Variants in PTPRD observed in about 807,000 individuals in gnomAD.
The protein encoded by PTPRD is receptor-type tyrosine-protein phosphatase delta.
PTPRD carries 34 observed loss-of-function variants against 214.5 expected under a neutral mutation model. That is an observed-to-expected ratio of 0.16 (90% CI 0.12 to 0.21). The LOEUF (loss-of-function observed/expected upper bound fraction) is 0.21. Among genes scored for constraint, PTPRD ranks in the 10% least tolerant of loss-of-function variants. PTPRD has a pLI of 1.00. For missense variants in PTPRD, 2,545 were observed against 2,398.7 expected (o/e 1.06, Z -1.27); for synonymous variants, 1,128 against 845.7 (o/e 1.33, Z -5.79).
At chr9:10,323,591 C>T (rs1447839845) in intron 3 of PTPRD, among the ~76,000 whole-genome samples, 2 of 151,686 alleles carry the variant, frequency 1.3e-5, no homozygotes, top group East Asian at 3.9e-4. Context: ...CTTTCTACAT[C>T]TGGGCAAAGA....
intron 3 of PTPRD, among the ~76,000 whole-genome samples, chr9:10,242,528 C>T (rs1281103087): frequency 1.3e-5 from 2 of 151,828 alleles, no homozygotes; most frequent in African/African-American, 2.4e-5. Context: ...TAAGTCCCTA[C>T]TGTGTACCAG....
At chr9:8,587,531 G>A (rs2093758403) in intron 14 of PTPRD, among the ~76,000 whole-genome samples, 1 of 152,254 alleles carries the variant, frequency 6.6e-6, no homozygotes. Context: ...TGAGTAAAAT[G>A]AGTAAAATAT....
intron 3 of PTPRD, among the ~76,000 whole-genome samples, chr9:10,311,036 T>A (rs2096253475): frequency 6.6e-6 from 1 of 152,072 alleles, no homozygotes; most frequent in Admixed American, 6.6e-5. Context: ...TAAATGTGGA[T>A]GCAAGATCCA....
intron 2 of PTPRD, among the ~76,000 whole-genome samples, chr9:10,443,054 G>A (rs1315380461): frequency 2.0e-5 from 3 of 149,658 alleles, no homozygotes; most frequent in Non-Finnish European, 4.5e-5. Context: ...AATGAACAGA[G>A]GAATAGAATT....
chr9:10,089,656 G>C (rs1331654540), intron 3 of PTPRD, among the ~76,000 whole-genome samples: 1 of 151,598 alleles, frequency 6.6e-6, no homozygotes, highest in Non-Finnish European at 1.5e-5. Context: ...ACAGAATAAG[G>C]TATAACTTCC....
intron 10 of PTPRD, among the ~76,000 whole-genome samples, chr9:9,173,765 A>T (rs1016366246): frequency 6.6e-6 from 1 of 151,958 alleles, no homozygotes; most frequent in Non-Finnish European, 1.5e-5. Context: ...ACAAAGCATG[A>T]CTCTATTTTA....
intron 5 of PTPRD, among the ~76,000 whole-genome samples, chr9:9,795,885 C>G (rs1486439504): frequency 6.6e-6 from 1 of 151,898 alleles, no homozygotes; most frequent in Non-Finnish European, 1.5e-5. Context: ...TCCAAATATA[C>G]TAGAAAAAAT....
At chr9:9,331,506 T>C (rs562120741) in intron 9 of PTPRD, among the ~76,000 whole-genome samples, 11 of 152,102 alleles carry the variant, frequency 7.2e-5, no homozygotes, top group Admixed American at 1.3e-4. Flanking sequence ...AAGATTTCCC[T>C]TAAAAGGAAG....
chr9:8,645,873 T>C (rs1431237600), intron 12 of PTPRD, among the ~76,000 whole-genome samples: 1 of 152,012 alleles, frequency 6.6e-6, no homozygotes, highest in African/African-American at 2.4e-5. Context: ...TTTTGGCATA[T>C]TCACTCTCCC....
intron 26 of PTPRD, among the ~76,000 whole-genome samples, chr9:8,493,999 GACACACAGACACAC>G (rs1404575176): frequency 4.6e-4 from 66 of 141,992 alleles, no homozygotes; most frequent in Admixed American, 1.6e-3. Flanking sequence ...GACACACACA[GACACACAGACACAC>G]ACACACACAC....
At chr9:10,039,471 G>C (rs1403081836) in intron 3 of PTPRD, among the ~76,000 whole-genome samples, 1 of 152,000 alleles carries the variant, frequency 6.6e-6, no homozygotes, top group Admixed American at 6.6e-5. Context: ...ATATACAATA[G>C]AAGTTGCAAT....
intron 5 of PTPRD, among the ~76,000 whole-genome samples, chr9:9,800,038 A>G (rs2099028791): frequency 6.6e-6 from 1 of 152,214 alleles, no homozygotes. Flanking sequence ...TTGTCAAAAG[A>G]AAAAATAATA....
At chr9:8,892,392 A>C (rs904250469) in intron 11 of PTPRD, among the ~76,000 whole-genome samples, 1 of 152,100 alleles carries the variant, frequency 6.6e-6, no homozygotes, top group East Asian at 1.9e-4. Context: ...TCCTTGCCCA[A>C]TTTATTTATT....
At chr9:9,105,069 T>C (rs754358749) in intron 10 of PTPRD, among the ~76,000 whole-genome samples, 1 of 152,212 alleles carries the variant, frequency 6.6e-6, no homozygotes, top group Non-Finnish European at 1.5e-5. Context: ...ATCCTATTTA[T>C]TTATGCAACA....
At chr9:9,020,371 A>T (rs1314591087) in intron 10 of PTPRD, among the ~76,000 whole-genome samples, 7 of 152,094 alleles carry the variant, frequency 4.6e-5, no homozygotes, top group Admixed American at 2.6e-4. Flanking sequence ...TAGATGGAGG[A>T]GACAGTGATT....
intron 10 of PTPRD, among the ~76,000 whole-genome samples, chr9:9,078,875 A>G (rs2099754968): frequency 1.3e-5 from 2 of 152,118 alleles, no homozygotes; most frequent in African/African-American, 2.4e-5. Flanking sequence ...AAAGTACAAT[A>G]GTTTCAATAC....
intron 35 of PTPRD, among the ~76,000 whole-genome samples, chr9:8,409,174 C>A (rs571703452): frequency 7.2e-5 from 11 of 152,146 alleles, no homozygotes; most frequent in Non-Finnish European, 1.5e-4. Context: ...CATACTAACT[C>A]ATTTATCTTC....
intron 10 of PTPRD, among the ~76,000 whole-genome samples, chr9:9,037,009 A>G (rs1408735807): frequency 6.6e-6 from 1 of 152,184 alleles, no homozygotes; most frequent in African/African-American, 2.4e-5. Context: ...ATGCTTCCAC[A>G]GTGCAATCTA....
chr9:9,669,848 T>C (rs2154385708), intron 7 of PTPRD, among the ~76,000 whole-genome samples: 1 of 152,296 alleles, frequency 6.6e-6, no homozygotes, highest in Non-Finnish European at 1.5e-5. Context: ...ATAGTGACTA[T>C]ACAAATGTCA....
Sources: allele counts gnomAD v4.1 joint callset (sites outside exome capture counted in the v4.1 genomes callset), GRCh38; gene constraint gnomAD v4.1.1; transcripts MANE v1.5; gene names NCBI Gene and HGNC (gene_info 2026-07-23, HGNC 2026-07-21).